Variants in CTNNA2 observed in about 807,000 individuals in gnomAD.
CTNNA2 encodes the protein catenin alpha 2, also known as catenin alpha-2.
CTNNA2 carries 42 observed loss-of-function variants against 101.0 expected under a neutral mutation model. The observed-to-expected ratio is 0.42, with a 90% confidence interval of 0.32 to 0.54. CTNNA2 has a LOEUF of 0.54. CTNNA2 is among the 20% of genes least tolerant of loss of function. CTNNA2 has a pLI of 0.14. For synonymous variants in CTNNA2, 450 were observed against 456.4 expected, an observed-to-expected ratio of 0.99 and a Z score of 0.18; for missense variants, 871 against 1,223.1, an observed-to-expected ratio of 0.71 and a Z score of 4.29.
chr2:80,016,315 G>A lies in CTNNA2; in HGVS notation c.1056+106518G>A, dbSNP rs1694140981. 2.6e-5 allele frequency among the ~76,000 whole-genome samples: 4 copies of A among 152,266 alleles called. No individual in the cohort carries two copies. The South Asian group carries it at 8.3e-4, about 32-fold the overall frequency. On this transcript the variant is annotated intron_variant, in intron 7 of 18. Coordinates refer to ENST00000402739, the MANE Select transcript of CTNNA2 (RefSeq NM_001282597.3). ...CTAGTTAGAGAGTCAGCTTTGGAAG[G>A]CAGGGCGACAGTGCTGAGCGCTGGG...
chr2:80,448,755 A>C (rs552308810), intron 9 of CTNNA2, among the ~76,000 whole-genome samples: 3 of 152,278 alleles, frequency 2.0e-5, no homozygotes, highest in Admixed American at 2.0e-4. Context: ...ATAAAATATC[A>C]TGTATCCCAG....
At chr2:79,479,332 A>G (rs1165423066) in intron 4 of CTNNA2, among the ~76,000 whole-genome samples, 1 of 152,130 alleles carries the variant, frequency 6.6e-6, no homozygotes, top group Non-Finnish European at 1.5e-5. Context: ...TTACTTCACA[A>G]TGCACCCGCT....
At chr2:79,791,786 G>A (rs1675291842) in intron 3 of CTNNA2, among the ~76,000 whole-genome samples, 1 of 152,086 alleles carries the variant, frequency 6.6e-6, no homozygotes, top group Admixed American at 6.6e-5. Flanking sequence ...GTACTTCTAG[G>A]GGCTGCAAAT....
intron 3 of CTNNA2, among the ~76,000 whole-genome samples, chr2:79,358,694 A>T (rs1474979294): frequency 6.6e-6 from 1 of 152,224 alleles, no homozygotes; most frequent in Non-Finnish European, 1.5e-5. Flanking sequence ...AGCAGCAGCC[A>T]ATTTAAGTCT....
intron 1 of CTNNA2, among the ~76,000 whole-genome samples, chr2:79,193,392 A>G (rs912538395): frequency 5.9e-5 from 9 of 152,284 alleles, no homozygotes; most frequent in Admixed American, 2.0e-4. Context: ...ACAAATATTT[A>G]TCATTGTGTA....
chr2:79,432,809 C>G (rs1369392950), intron 4 of CTNNA2, among the ~76,000 whole-genome samples: 2 of 152,194 alleles, frequency 1.3e-5, no homozygotes, highest in Non-Finnish European at 1.5e-5. Flanking sequence ...GATACTCACT[C>G]AAAGGTTTTT....
At chr2:79,354,209 G>C (rs1380039464) in intron 3 of CTNNA2, among the ~76,000 whole-genome samples, 1 of 152,082 alleles carries the variant, frequency 6.6e-6, no homozygotes, top group Non-Finnish European at 1.5e-5. Context: ...TCTTGAATTT[G>C]TGTGTCAACC....
intron 12 of CTNNA2, among the ~76,000 whole-genome samples, chr2:80,563,635 C>T (rs1693800402): frequency 6.6e-6 from 1 of 152,130 alleles, no homozygotes; most frequent in Admixed American, 6.6e-5. Flanking sequence ...CCTCAGTCTC[C>T]CAAAATGCTG....
chr2:80,417,257 T>A (rs1444360820), intron 8 of CTNNA2, among the ~76,000 whole-genome samples: 2 of 151,618 alleles, frequency 1.3e-5, no homozygotes, highest in Admixed American at 1.3e-4. Flanking sequence ...TATATACTTT[T>A]TTTTTGGTGA....
At chr2:79,353,569 T>G (rs1349253615) in intron 3 of CTNNA2, among the ~76,000 whole-genome samples, 2 of 152,206 alleles carry the variant, frequency 1.3e-5, no homozygotes, top group Admixed American at 1.3e-4. Flanking sequence ...TCATTGCATG[T>G]GGAATGGGTT....
intron 7 of CTNNA2, among the ~76,000 whole-genome samples, chr2:80,024,224 T>C (rs545985942): frequency 3.9e-4 from 59 of 152,090 alleles, no homozygotes; most frequent in Non-Finnish European, 6.0e-4. Context: ...TGATAGAGAA[T>C]AGAACAATAT....
At chr2:80,374,099 G>A (rs558751859) in intron 7 of CTNNA2, among the ~76,000 whole-genome samples, 59 of 152,044 alleles carry the variant, frequency 3.9e-4, no homozygotes, top group Admixed American at 8.5e-4. Flanking sequence ...TTGATTCAGG[G>A]CAACAGGTAC....
chr2:79,556,212 C>T (rs1674435070), intron 1 of CTNNA2, among the ~76,000 whole-genome samples: 1 of 151,998 alleles, frequency 6.6e-6, no homozygotes, highest in African/African-American at 2.4e-5. Context: ...ATTGAACCCT[C>T]TTTATTCTCT....
intron 18 of CTNNA2, among the ~76,000 whole-genome samples, chr2:80,639,564 A>G (rs1023900695): frequency 1.4e-5 from 2 of 138,408 alleles, no homozygotes; most frequent in African/African-American, 2.5e-5. Context: ...AATAAATACA[A>G]CATATCTGTG....
intron 3 of CTNNA2, among the ~76,000 whole-genome samples, chr2:79,857,053 GC>G (rs1282908210): frequency 6.6e-6 from 1 of 152,148 alleles, no homozygotes; most frequent in Non-Finnish European, 1.5e-5. Context: ...CCTCTCTCCA[GC>G]CCCCTTCCTC....
chr2:79,355,835 T>C (rs62156644), intron 3 of CTNNA2, among the ~76,000 whole-genome samples: 2,261 of 152,252 alleles, frequency 0.015, 18 homozygotes, highest in Non-Finnish European at 0.024. Context: ...TTTATTAATT[T>C]ATCTGTTGAT....
chr2:80,078,799 C>T (rs1317731201), intron 7 of CTNNA2, among the ~76,000 whole-genome samples: 1 of 152,172 alleles, frequency 6.6e-6, no homozygotes, highest in African/African-American at 2.4e-5. Flanking sequence ...TCAGCCCTTA[C>T]CCCCTATGTT....
chr2:80,028,026 A>G (rs1248204152), intron 7 of CTNNA2: 1 of 150,338 alleles, frequency 6.7e-6, no homozygotes, highest in African/African-American at 2.4e-5. Flanking sequence ...AGAAATACAG[A>G]TTTATTTAGT....
intron 11 of CTNNA2, among the ~76,000 whole-genome samples, chr2:80,548,184 T>G (rs962478163): frequency 1.3e-5 from 2 of 152,108 alleles, no homozygotes; most frequent in Non-Finnish European, 2.9e-5. Flanking sequence ...GTCAGTTTTT[T>G]TCCAGGATAA....
Sources: allele counts gnomAD v4.1 joint callset (sites outside exome capture counted in the v4.1 genomes callset), GRCh38; gene constraint gnomAD v4.1.1; transcripts MANE v1.5; gene names NCBI Gene and HGNC (gene_info 2026-07-23, HGNC 2026-07-21).